Variants in TANC2 observed in about 807,000 individuals in gnomAD.
TANC2 encodes tetratricopeptide repeat, ankyrin repeat and coiled-coil containing 2, also known as protein TANC2.
A neutral mutation model predicts 210.5 loss-of-function variants in TANC2; 26 were observed. The ratio of observed to expected loss-of-function variants is 0.12; its 90% CI spans 0.09 to 0.17. The LOEUF (loss-of-function observed/expected upper bound fraction) is 0.17, where lower values mean the gene tolerates loss of function less well. Among genes scored for constraint, TANC2 ranks in the 10% least tolerant of loss-of-function variants. The pLI is 1.00. For synonymous variants in TANC2, 931 were observed against 967.1 expected (o/e 0.96, Z 0.69); for missense variants, 2,129 against 2,608.9 (o/e 0.82, Z 4.01).
intron 5 of TANC2, chr17:63,155,218 AAAAC>A (rs1426710617): frequency 1.3e-5 from 2 of 152,058 alleles, no homozygotes; most frequent in Non-Finnish European, 1.5e-5. Flanking sequence ...AAAAAAAACA[AAAAC>A]AAAAACAAAA....
intron 9 of TANC2, among the ~76,000 whole-genome samples, chr17:63,296,062 A>G (rs1247126821): frequency 6.6e-6 from 1 of 152,194 alleles, no homozygotes; most frequent in African/African-American, 2.4e-5. Flanking sequence ...CAGATGCCCA[A>G]GAAACCCCCT....
At chr17:63,255,688 G>C (rs962953684) in intron 8 of TANC2, among the ~76,000 whole-genome samples, 1 of 151,544 alleles carries the variant, frequency 6.6e-6, no homozygotes, top group Non-Finnish European at 1.5e-5. Context: ...CAATTTATTT[G>C]GGTCTTCTCT....
intron 4 of TANC2, among the ~76,000 whole-genome samples, chr17:63,135,844 C>T (rs2039072556): frequency 6.6e-6 from 1 of 152,176 alleles, no homozygotes; most frequent in East Asian, 1.9e-4. Flanking sequence ...TGTCAAAAAC[C>T]TAGTACTCTT....
intron 2 of TANC2, among the ~76,000 whole-genome samples, chr17:63,022,201 G>C (rs987206835): frequency 1.7e-4 from 26 of 151,958 alleles, no homozygotes; most frequent in Non-Finnish European, 3.5e-4. Flanking sequence ...AGTTAGCCGG[G>C]TATGGTGGTG....
chr17:63,291,476 T>C (rs1019894386), intron 9 of TANC2, among the ~76,000 whole-genome samples: 1 of 152,212 alleles, frequency 6.6e-6, no homozygotes, highest in Non-Finnish European at 1.5e-5. Flanking sequence ...GGAATGTACA[T>C]ACCCTCTGAC....
intron 3 of TANC2, among the ~76,000 whole-genome samples, chr17:63,090,690 C>A (rs2037153520): frequency 2.0e-5 from 3 of 152,120 alleles, no homozygotes; most frequent in Admixed American, 6.5e-5. Flanking sequence ...GTCTTTATAG[C>A]AGCATGATTT....
chr17:63,316,980 A>G (rs2146607190), intron 10 of TANC2, among the ~76,000 whole-genome samples: 1 of 151,560 alleles, frequency 6.6e-6, no homozygotes, highest in Admixed American at 6.6e-5. Context: ...TAAACTTAAT[A>G]TAAGTTATTA....
chr17:63,387,856 G>A (rs2047834580), intron 15 of TANC2: 1 of 152,210 alleles, frequency 6.6e-6, no homozygotes. Context: ...AATCAAGCCT[G>A]TATTGCTGTT....
chr17:63,268,334 C>T (rs1598741320), intron 9 of TANC2, among the ~76,000 whole-genome samples: 1 of 152,208 alleles, frequency 6.6e-6, no homozygotes, highest in Middle Eastern at 3.4e-3. Flanking sequence ...AACATGACAC[C>T]ACAAGTGGAA....
intron 5 of TANC2, among the ~76,000 whole-genome samples, chr17:63,175,529 CCG>C (rs1347510352): frequency 3.3e-5 from 3 of 90,258 alleles, no homozygotes; most frequent in African/African-American, 6.9e-5. Flanking sequence ...CCTGTCTCCC[CCG>C]CCAAAAAAAA....
In TANC2 at chr17:63,238,038, A is replaced by G. The variant is rs1321681097; in HGVS notation, c.994A>G (p.Ile332Val). The G allele has an allele frequency of 1.9e-6, 3 of 1,547,368 alleles. No individual in the cohort carries two copies. The highest frequency in any genetic ancestry group is 1.7e-4 in the Middle Eastern group (1 of 5,986). ...AGTGTTATCTCAATCAGTACAGTCT[A>G]TTCCTTTGTATCTCATGCCACGGCC... Residue 332 changes from isoleucine (I) to valine (V), a missense_variant, in exon 8 of 28, where the codon ATT becomes GTT. By Grantham distance (29) the Ile-to-Val change is conservative (BLOSUM62 3). This residue lies in a region of TANC2 where 739 missense variants were observed against 848.0 expected (regional missense o/e 0.87). Transcript: ENST00000689528.
chr17:63,424,365 T>A (rs978885422), exon 28 of TANC2: 2 of 152,222 alleles, frequency 1.3e-5, no homozygotes, highest in Non-Finnish European at 2.9e-5. Context: ...TGTTTTTGAC[T>A]AGAATATGCC....
At chr17:63,229,416 T>G (rs2042411127) in intron 7 of TANC2, among the ~76,000 whole-genome samples, 1 of 152,188 alleles carries the variant, frequency 6.6e-6, no homozygotes. Flanking sequence ...GGTTGTGGTA[T>G]CAGAATGATG....
At chr17:63,353,494 G>A (rs889730495) in intron 13 of TANC2, among the ~76,000 whole-genome samples, 5 of 152,096 alleles carry the variant, frequency 3.3e-5, no homozygotes, top group African/African-American at 1.2e-4. Flanking sequence ...AAATGTAAAT[G>A]TTGAGTAGAC....
chr17:63,063,530 ACG>A (rs2036071835), intron 2 of TANC2, among the ~76,000 whole-genome samples: 1 of 117,374 alleles, frequency 8.5e-6, no homozygotes, highest in African/African-American at 3.7e-5. Flanking sequence ...TGGGACAAAG[ACG>A]TGTGTGTGTG....
At chr17:63,306,055 A>G (rs546569190) in intron 9 of TANC2, among the ~76,000 whole-genome samples, 74 of 152,260 alleles carry the variant, frequency 4.9e-4, no homozygotes, top group Non-Finnish European at 7.6e-4. Flanking sequence ...GAATGACGTA[A>G]TGTGGTCATT....
At chr17:63,338,736 T>C (rs1276487533) in intron 11 of TANC2, among the ~76,000 whole-genome samples, 2 of 152,270 alleles carry the variant, frequency 1.3e-5, no homozygotes, top group Non-Finnish European at 2.9e-5. Flanking sequence ...TTCCATATTG[T>C]GCTCAGACTT....
intron 7 of TANC2, among the ~76,000 whole-genome samples, chr17:63,220,704 A>T (rs1454195585): frequency 1.4e-4 from 5 of 34,550 alleles, no homozygotes; most frequent in Non-Finnish European, 2.9e-4. Context: ...AATCAGTCTC[A>T]AAAAAAAAAA....
chr17:62,980,709 A>G (rs1225070477), intron 1 of TANC2, among the ~76,000 whole-genome samples: 1 of 151,984 alleles, frequency 6.6e-6, no homozygotes. Context: ...CCTAGGACTC[A>G]CTCCCAGAGA....
Sources: gnomAD v4.1 joint callset for allele counts (sites outside exome capture counted in the v4.1 genomes callset) on GRCh38, gnomAD v4.1.1 for gene constraint, gnomAD v4.1.1 regional missense constraint, MANE v1.5 for transcripts, NCBI Gene and HGNC (gene_info 2026-07-23, HGNC 2026-07-21) for gene names.